The following PABPN1L variants were observed in gnomAD, a reference collection of about 807,000 sequenced individuals.
PABPN1L encodes the protein embryonic polyadenylate-binding protein 2.
In PABPN1L, 45 loss-of-function variants were observed where a neutral mutation model predicts 34.0. The ratio of observed to expected loss-of-function variants is 1.32; its 90% confidence interval spans 1.04 to 1.70. PABPN1L has a LOEUF of 1.70. Ranked by LOEUF, PABPN1L falls within the 40% of genes most tolerant of loss-of-function variation. PABPN1L has a pLI of 0.00. For synonymous variants in PABPN1L, 182 were observed against 152.1 expected (o/e 1.20, Z -1.45); for missense variants, 459 against 367.8 (o/e 1.25, Z -2.03).
chr16:88,866,665 C>A (rs1028238681), upstream of PABPN1L: 3 of 1,466,080 alleles, frequency 2.0e-6, no homozygotes, highest in Admixed American at 2.5e-5. Flanking sequence ...CCCCTCGCGT[C>A]CGCACCTGCC....
At chr16:88,866,677 A>G, upstream of PABPN1L, 1 of 1,455,846 alleles carries the variant, frequency 6.9e-7, no homozygotes, top group Non-Finnish European at 9.0e-7. Flanking sequence ...GCACCTGCCC[A>G]GGCTCTCCTG....
intron 3 of PABPN1L, 74 bp downstream of exon 3, chr16:88,865,489 G>A (rs1968568800): frequency 1.3e-6 from 2 of 1,545,698 alleles, no homozygotes; most frequent in East Asian, 2.4e-5. Context: ...CCTGGCCCAT[G>A]GCCGGGCGCC....
intron 3 of PABPN1L, 83 bp from the exon 4 acceptor site, chr16:88,865,211 C>G: frequency 2.1e-6 from 3 of 1,426,338 alleles, no homozygotes; most frequent in Non-Finnish European, 2.9e-6. Flanking sequence ...GGAAAGAAAC[C>G]CCAAGGCTGG....
exon 2 of PABPN1L, chr16:88,865,870 C>T (rs1968579650): frequency 1.9e-6 from 3 of 1,610,174 alleles, no homozygotes; most frequent in Non-Finnish European, 2.5e-6. Flanking sequence ...CCTGTTGCTG[C>T]ACTCCTGGAG....
chr16:88,866,767 T>A, upstream of PABPN1L: 2 of 1,040,146 alleles, frequency 1.9e-6, no homozygotes, highest in Non-Finnish European at 2.7e-6. Flanking sequence ...CTTCCAGCCT[T>A]GGCTCCCGGC....
chr16:88,866,042 AG>A (rs34624810), intron 1 of PABPN1L, 101 bp from the exon 2 acceptor site: 3 of 1,446,730 alleles, frequency 2.1e-6, no homozygotes, highest in East Asian at 5.0e-5. Flanking sequence ...CACAGCCCCA[AG>A]GGGCAGCCCT....
upstream of PABPN1L, among the ~76,000 whole-genome samples, chr16:88,867,738 C>T (rs1968631214): frequency 6.6e-6 from 1 of 152,154 alleles, no homozygotes; most frequent in Non-Finnish European, 1.5e-5. Context: ...AGGAGGTGAC[C>T]CGTGTCCGCC....
exon 5 of PABPN1L, chr16:88,864,853 C>T (rs542575259): frequency 1.9e-6 from 3 of 1,605,994 alleles, no homozygotes; most frequent in African/African-American, 1.3e-5. Flanking sequence ...ACCGGCGCAC[C>T]TTGATGACCC....
At chr16:88,866,691 T>G, upstream of PABPN1L, 2 of 1,438,326 alleles carry the variant, frequency 1.4e-6, no homozygotes, top group Non-Finnish European at 1.8e-6. Flanking sequence ...TCTCCTGGAG[T>G]TTTAAGCCCT....
At chr16:88,868,503 G>A (rs1968642513), upstream of PABPN1L, among the ~76,000 whole-genome samples, 1 of 152,214 alleles carries the variant, frequency 6.6e-6, no homozygotes, top group South Asian at 2.1e-4. Flanking sequence ...ATACTTGGGA[G>A]GCTGAGGCAG....
At chr16:88,863,621 G>A (rs1211757032) in exon 7 of PABPN1L, 5 of 1,130,394 alleles carry the variant, frequency 4.4e-6, no homozygotes, top group East Asian at 2.6e-5. Flanking sequence ...CCAAGAGGGG[G>A]CCAGTGGCTG....
At chr16:88,863,605 C>T (rs1314175429) in exon 7 of PABPN1L, 3 of 1,008,830 alleles carry the variant, frequency 3.0e-6, no homozygotes, top group East Asian at 5.2e-5. Flanking sequence ...CTGGGCCATC[C>T]CCCCGCCAAG....
Position 88,865,863 on chromosome 16 carries a change from G to A in PABPN1L, c.334C>T (p.Gln112Ter), listed in dbSNP as rs758602319. ...GCGGTGCCCTCCTCTTCCTCGGCCT[G>A]TTGCTGCACTCCTGGAGGCCGTGGC... is the stretch of plus-strand genomic sequence containing the variant. The change falls in exon 2 of 7, where the codon CAG (glutamine) becomes TAG (stop). Residue 112 changes from glutamine to a stop codon, truncating the protein, a stop_gained. Coordinates refer to ENST00000419291, the Ensembl canonical transcript of PABPN1L. LOFTEE classifies it high-confidence loss of function. 2.3e-5 allele frequency: 37 copies of A among 1,609,998 alleles called. No homozygotes were observed. The highest frequency in any genetic ancestry group is 2.8e-5 in the Non-Finnish European group (33 of 1,179,396).
chr16:88,863,977 C>T (rs546605349), intron 6 of PABPN1L, among the ~76,000 whole-genome samples, 182 bp from the exon 7 acceptor site: 2 of 152,312 alleles, frequency 1.3e-5, no homozygotes, highest in East Asian at 3.9e-4. Context: ...AAAGGAAAGG[C>T]AGTGCCAGGA....
rs771516149 is a variant in PABPN1L at position 88,865,680 on chromosome 16, CCT to C, written c.392-52_392-51del. On this transcript the variant is annotated intron_variant, in intron 2 of 6. Coordinates refer to ENST00000419291, the Ensembl canonical transcript of PABPN1L. ...GCAGGCCCTTGGTTCCTTCCTCACT[CCT>C]CTCACGGGGAAGGTCGCCCAGGCTT... 23 of 1,565,926 alleles carry C rather than the reference CCT, an allele frequency of 1.5e-5. No homozygotes were observed. In the East Asian group the frequency reaches 4.8e-4, roughly 32 times the overall value.
chr16:88,864,571 GGGGGGGGTCACGGCCAGCACCCCTGCAGA>G (rs1331158746), intron 5 of PABPN1L, among the ~76,000 whole-genome samples, 192 bp from the exon 6 acceptor site: 3 of 131,300 alleles, frequency 2.3e-5, no homozygotes, highest in African/African-American at 6.4e-5. Flanking sequence ...CCCCTGCAGA[GGGGGGGGTCACGGCCAGCACCCCTGCAGA>G]GGGGGGGGTC....
upstream of PABPN1L, chr16:88,866,662 C>A (rs144983266): frequency 4.1e-5 from 61 of 1,473,472 alleles, 1 homozygote; most frequent in South Asian, 6.2e-4. Context: ...ACTCCCCTCG[C>A]GTCCGCACCT....
At position 88,865,241 on chromosome 16, in the gene PABPN1L, C is replaced by A. The variant is rs944528333; in HGVS notation, c.460-113G>T. ...GGCTGGGCCCCGTGGCGGGGATGGC[C>A]CCAGGCCTCCACCCCACACCCCCGC... On this transcript the variant is annotated intron_variant, in intron 3 of 6. Transcript: ENST00000419291. 7.1e-6 allele frequency: 8 copies of A among 1,120,846 alleles called. No individual in the cohort carries two copies. In the African/African-American group the frequency reaches 1.1e-4, roughly 15 times the overall value. 69.4% of individuals were successfully genotyped at this position (1,120,846 alleles called of 1,614,324 possible). A position where few individuals can be genotyped will look rare whatever the true frequency, so the allele number is the denominator to read the frequency against.
upstream of PABPN1L, among the ~76,000 whole-genome samples, chr16:88,869,557 C>T (rs534919568): frequency 6.6e-5 from 10 of 152,246 alleles, no homozygotes; most frequent in Admixed American, 1.3e-4. Flanking sequence ...AGGACAGGTA[C>T]GCTGGGTGGA....
Sources: gnomAD v4.1 joint callset for allele counts (sites outside exome capture counted in the v4.1 genomes callset) on GRCh38, gnomAD v4.1.1 for gene constraint, MANE v1.5 for transcripts, NCBI Gene and HGNC (gene_info 2026-07-23, HGNC 2026-07-21) for gene names.